AP2A1: variants seen among roughly 807,000 people sequenced by gnomAD.
The protein encoded by AP2A1 is AP-2 complex subunit alpha-1.
Under a neutral mutation model 107.3 loss-of-function variants are expected in AP2A1, and 21 were observed. The ratio of observed to expected loss-of-function variants is 0.20; its 90% CI spans 0.14 to 0.28. The LOEUF (loss-of-function observed/expected upper bound fraction) is 0.28, where lower values mean the gene tolerates loss of function less well. AP2A1 is among the 10% of genes least tolerant of loss of function. The probability of loss-of-function intolerance (pLI) is 1.00; values close to 1 mark genes in which losing one functional copy is unlikely to be tolerated. For missense variants in AP2A1, 873 were observed against 1,307.7 expected, an observed-to-expected ratio of 0.67 and a Z score of 5.13; for synonymous variants, 602 against 564.8, an observed-to-expected ratio of 1.07 and a Z score of -0.93.
chr19:49,783,667 G>A (rs529129949), intron 4 of AP2A1, among the ~76,000 whole-genome samples: 11 of 152,196 alleles, frequency 7.2e-5, no homozygotes, highest in African/African-American at 1.2e-4. Context: ...GATGAGCCGC[G>A]TGCTGGAGCC....
intron 7 of AP2A1, chr19:49,797,320 A>G (rs1399202592): frequency 6.6e-6 from 1 of 152,232 alleles, no homozygotes; most frequent in Non-Finnish European, 1.5e-5. Context: ...AGATAAGTAC[A>G]GAGATTTCAT....
chr19:49,769,393 G>A (rs1202970656), intron 1 of AP2A1, among the ~76,000 whole-genome samples: 1 of 152,174 alleles, frequency 6.6e-6, no homozygotes, highest in African/African-American at 2.4e-5. Flanking sequence ...GGAGGAAATG[G>A]TCGGGAGAGG....
chr19:49,800,358 C>T, intron 11 of AP2A1, among the ~76,000 whole-genome samples: 1 of 152,230 alleles, frequency 6.6e-6, no homozygotes, highest in South Asian at 2.1e-4. Flanking sequence ...GTCCCCAGGG[C>T]ATGGGCATGG....
At chr19:49,794,585 C>T (rs921091953) in intron 6 of AP2A1, among the ~76,000 whole-genome samples, 7 of 152,102 alleles carry the variant, frequency 4.6e-5, no homozygotes, top group Non-Finnish European at 1.0e-4. Flanking sequence ...CAGACCAGCA[C>T]GGAGGTGGGA....
intron 18 of AP2A1, chr19:49,804,298 TTGAG>T (rs1269049842): frequency 6.6e-6 from 1 of 151,842 alleles, no homozygotes; most frequent in East Asian, 1.9e-4. Flanking sequence ...TCCTAGCACT[TTGAG>T]TGGCCAAGGT....
At position 49,785,563 on chromosome 19, in the gene AP2A1, G is replaced by A. The variant is rs1600225330; in HGVS notation, c.473+2839G>A. Among the ~76,000 whole-genome samples the A allele has an allele frequency of 6.6e-6, 1 of 152,162 alleles. No individual in the cohort carries two copies. Among genetic ancestry groups the A allele is most frequent in the East Asian group, 1.9e-4 (1 of 5,178 alleles). On this transcript the variant is annotated intron_variant, in intron 4 of 22. Coordinates refer to ENST00000354293, the MANE Select transcript of AP2A1 (RefSeq NM_130787.3). The surrounding 1 kb of genome is among the most constrained non-coding windows in gnomAD (Gnocchi z 4.1). ...CTCTGGGGAGGAAGTTGGATTGCAG[G>A]GAGTCAGGGCGGGAGGGAGAGAGAT...
chr19:49,772,761 A>G (rs2084577287), intron 1 of AP2A1, among the ~76,000 whole-genome samples: 2 of 151,500 alleles, frequency 1.3e-5, no homozygotes, highest in Non-Finnish European at 1.5e-5. Context: ...CGGCCTCCCA[A>G]AGTGCTGGGA....
chr19:49,801,006 G>A lies in AP2A1; in HGVS notation c.1501G>A (p.Gly501Ser), dbSNP rs750379192. ...ACHENMVKVGGYILGEFGNLI... is the reference protein window; with the variant it reads ...ACHENMVKVGSYILGEFGNLI... ...TCACGAGAACATGGTGAAGGTTGGC[G>A]GCTACATCCTTGGGGAGTTTGGGAA... Residue 501 changes from glycine (G) to serine (S), a missense_variant, in exon 12 of 23, where the codon GGC becomes AGC. Physicochemically the swap from Gly to Ser is moderately conservative, Grantham distance 56. Around this residue, in one of 4 missense-constraint regions of AP2A1, gnomAD observed 213 missense variants for 443.5 expected, o/e 0.48. Transcript: ENST00000354293. 3.1e-6 allele frequency: 5 copies of A among 1,607,860 alleles called. No individual in the cohort carries two copies. The highest frequency in any genetic ancestry group is 4.2e-6 in the Non-Finnish European group (5 of 1,177,484).
intron 1 of AP2A1, among the ~76,000 whole-genome samples, chr19:49,773,249 G>C (rs1448435246): frequency 6.6e-6 from 1 of 152,218 alleles, no homozygotes; most frequent in Non-Finnish European, 1.5e-5. Context: ...CAGGGAGCAA[G>C]GGCTGGGGCT....
chr19:49,771,400 A>G (rs1233615632), intron 1 of AP2A1, among the ~76,000 whole-genome samples: 1 of 151,200 alleles, frequency 6.6e-6, no homozygotes, highest in African/African-American at 2.4e-5. Context: ...TGAATTGTTC[A>G]CTGTAAAAGG....
chr19:49,768,238 G>C (rs1291817529), intron 1 of AP2A1, among the ~76,000 whole-genome samples: 1 of 152,078 alleles, frequency 6.6e-6, no homozygotes, highest in Non-Finnish European at 1.5e-5. Context: ...CGTGACGATG[G>C]GAATCCTGGC....
chr19:49,770,276 C>A (rs1411777890), intron 1 of AP2A1, among the ~76,000 whole-genome samples: 8 of 151,972 alleles, frequency 5.3e-5, no homozygotes, highest in Non-Finnish European at 7.4e-5. Flanking sequence ...CAGAGACGAG[C>A]CAGAGGACAG....
chr19:49,767,021 G>A lies in AP2A1; in HGVS notation c.-113G>A. 1 of 1,080,426 alleles carries A rather than the reference G, an allele frequency of 9.3e-7. No individual in the cohort carries two copies. Among genetic ancestry groups the A allele is most frequent in the Non-Finnish European group, 1.2e-6 (1 of 827,970 alleles). The allele number at this position is 1,080,426 out of a possible 1,614,324, so 66.9% of individuals were successfully genotyped here. A position where few individuals can be genotyped will look rare whatever the true frequency, so the allele number is the denominator to read the frequency against. ...CGCCCGCCAGCCAGCCCTCCCCGCG[G>A]CCGGCTCGGCTCCTTGGCGCTGCCT... On this transcript the variant is annotated 5_prime_UTR_variant, in exon 1 of 23. Transcript: ENST00000354293.
Position 49,805,714 on chromosome 19 carries a change from A to G in AP2A1, c.2522A>G (p.Lys841Arg). 2 of 1,568,376 alleles carry G rather than the reference A, an allele frequency of 1.3e-6. No homozygotes were observed. Among genetic ancestry groups the G allele is most frequent in the Non-Finnish European group, 1.7e-6 (2 of 1,159,006 alleles). The change falls in exon 20 of 23, where the codon AAG (lysine) becomes AGG (arginine). Residue 841 changes from lysine (K) to arginine (R), a missense_variant. Physicochemically the swap from Lys to Arg is conservative, Grantham distance 26 (BLOSUM62 2). This residue lies in a region of AP2A1 where 416 missense variants were observed against 473.4 expected (regional missense o/e 0.88). Transcript: ENST00000354293. ...LTLKLPVTIN[K>R]FFQPTEMAAQ... is the part of the protein sequence containing the mutation. ...CTGAAGCTCCCAGTGACCATCAACA[A>G]GTTCTTCCAGCCCACCGAGATGGCG...
chr19:49,805,145 T>G (rs952007571), intron 18 of AP2A1: 1 of 346,094 alleles, frequency 2.9e-6, no homozygotes. Flanking sequence ...AGAGGTTAAG[T>G]GGTTGCCCAC....
At position 49,802,983 on chromosome 19, in the gene AP2A1, G is replaced by C; in HGVS notation, c.2149G>C (p.Glu717Gln). ...GPEDIGPPIP[E>Q]ADELLNKFVC... is the part of the protein sequence containing the mutation. ...TGAGGACATCGGCCCTCCCATTCCGGAAGCCGATGAGTTGCTGAATAAGTG... is the reference window on the plus strand; with the variant it reads ...TGAGGACATCGGCCCTCCCATTCCGCAAGCCGATGAGTTGCTGAATAAGTG... The change falls in exon 16 of 23, where the codon GAA becomes CAA. Residue 717 changes from glutamate (E) to glutamine (Q), a missense_variant. This residue lies in a region of AP2A1 where 416 missense variants were observed against 473.4 expected (regional missense o/e 0.88). Transcript: ENST00000354293. 6.2e-7 allele frequency: 1 copy of C among 1,613,554 alleles called. No individual in the cohort carries two copies. Among genetic ancestry groups the C allele is most frequent in the Non-Finnish European group, 8.5e-7 (1 of 1,179,748 alleles).
rs1555794736 is a variant in AP2A1, at chr19:49,806,102, G to A, written c.2656-17G>A. 3.8e-6 allele frequency: 6 copies of A among 1,568,128 alleles called. No individual in the cohort carries two copies. Among genetic ancestry groups the A allele is most frequent in the Non-Finnish European group, 5.2e-6 (6 of 1,155,892 alleles). ...AACAGCTCTGGCACACTCTGACGGC[G>A]CCCCCCCTCCTCCCAGCTTCTGGGG... On this transcript the variant is annotated splice_polypyrimidine_tract_variant and intron_variant, in intron 21 of 22. Coordinates refer to ENST00000354293, the MANE Select transcript of AP2A1 (RefSeq NM_130787.3).
intron 6 of AP2A1, among the ~76,000 whole-genome samples, chr19:49,794,254 C>G (rs1160378908): frequency 7.2e-6 from 1 of 139,658 alleles, no homozygotes; most frequent in Non-Finnish European, 1.5e-5. Context: ...GTCTTGCTGT[C>G]GCCCAGGCTG....
rs555746691 is a variant in AP2A1 at position 49,784,088 on chromosome 19, A to G, written c.473+1364A>G. On this transcript the variant is annotated intron_variant, in intron 4 of 22. Transcript: ENST00000354293. ...TGATATGAGTAGCTCACAGCCAAAA[A>G]TCTCTAAACACATGACACAAGACAC... is the stretch of plus-strand genomic sequence containing the variant. 1.1e-4 allele frequency among the ~76,000 whole-genome samples: 16 copies of G among 152,330 alleles called. No homozygotes were observed. The South Asian group carries it at 3.3e-3, about 32-fold the overall frequency.
Sources: allele counts gnomAD v4.1 joint callset (sites outside exome capture counted in the v4.1 genomes callset), GRCh38; gene constraint gnomAD v4.1.1; regional missense constraint gnomAD v4.1.1; non-coding constraint Gnocchi (gnomAD v3.1); transcripts MANE v1.5; gene names NCBI Gene and HGNC (gene_info 2026-07-23, HGNC 2026-07-21).